Variants in UTRN observed in about 807,000 individuals in gnomAD.
The protein encoded by UTRN is utrophin.
In UTRN, 283 loss-of-function variants were observed where a neutral mutation model predicts 463.9. The ratio of observed to expected loss-of-function variants is 0.61; its 90% CI spans 0.55 to 0.67. The LOEUF (loss-of-function observed/expected upper bound fraction) is 0.67. UTRN is among the 30% of genes least tolerant of loss of function. UTRN has a pLI of 0.00. For synonymous variants in UTRN, 1,442 were observed against 1,431.5 expected, an observed-to-expected ratio of 1.01 and a Z score of -0.17; for missense variants, 3,922 against 4,084.3, an observed-to-expected ratio of 0.96 and a Z score of 1.08.
chr6:144,317,413 TA>T (rs1331913276), intron 2 of UTRN, among the ~76,000 whole-genome samples: 1 of 152,228 alleles, frequency 6.6e-6, no homozygotes, highest in Admixed American at 6.5e-5. Flanking sequence ...TATTTTAGTT[TA>T]TTTTTTTTGA....
At chr6:144,473,411 C>T (rs980642224) in intron 23 of UTRN, among the ~76,000 whole-genome samples, 1 of 152,096 alleles carries the variant, frequency 6.6e-6, no homozygotes, top group African/African-American at 2.4e-5. Flanking sequence ...GCTGATAAAA[C>T]CTAGAAATGC....
rs756698576 is a variant in UTRN at position 144,533,173 on chromosome 6, C to T, written c.6146C>T (p.Ala2049Val). The T allele has an allele frequency of 6.2e-7, 1 of 1,614,112 alleles. No individual in the cohort carries two copies. The highest frequency in any genetic ancestry group is 2.2e-5 in the East Asian group (1 of 44,874). ...GDGIVQKLSQ[A>V]DGSFLKEKLA... ...GGGATTGTGCAGAAACTCTCCCAGGCAGATGGAAGCTTCTTGAAAGAAAAA... is the reference window on the plus strand; with the variant it reads ...GGGATTGTGCAGAAACTCTCCCAGGTAGATGGAAGCTTCTTGAAAGAAAAA... The change falls in exon 43 of 75, where the codon GCA (alanine) becomes GTA (valine). Residue 2049 changes from alanine to valine, a missense_variant. Ala to Val is a moderately conservative substitution (Grantham distance 64, BLOSUM62 0). Transcript: ENST00000367545.
chr6:144,725,222 G>A (rs547935206), intron 53 of UTRN, among the ~76,000 whole-genome samples: 4 of 152,230 alleles, frequency 2.6e-5, no homozygotes, highest in Non-Finnish European at 4.4e-5. Flanking sequence ...AGCACATGCT[G>A]TCTTGCCTCC....
chr6:144,514,404 A>C lies in UTRN; in HGVS notation c.5074-246A>C, dbSNP rs186122300. On this transcript the variant is annotated intron_variant, in intron 36 of 74. Coordinates refer to ENST00000367545, the MANE Select transcript of UTRN (RefSeq NM_007124.3). Reference sequence around the variant, plus strand: ...AGTCTGTCTTACTTCTGTACTCTCCAATGAGTCTTACATACTTTTGTATTC... The same window carrying C: ...AGTCTGTCTTACTTCTGTACTCTCCCATGAGTCTTACATACTTTTGTATTC... Among the ~76,000 whole-genome samples the C allele has an allele frequency of 2.6e-5, 4 of 152,308 alleles. No homozygotes were observed. The East Asian group carries it at 7.7e-4, about 29-fold the overall frequency.
rs758921922 is a variant in UTRN at position 144,491,067 on chromosome 6, C to G, written c.4402C>G (p.Pro1468Ala). Residue 1468 changes from proline (P) to alanine (A), a missense_variant, in exon 32 of 75, where the codon CCT becomes GCT. By Grantham distance (27) the Pro-to-Ala change is conservative (BLOSUM62 -1). Around this residue, in one of 3 missense-constraint regions of UTRN, gnomAD observed 2,349 missense variants for 2,303.8 expected, o/e 1.02. Coordinates refer to ENST00000367545, the MANE Select transcript of UTRN (RefSeq NM_007124.3). Reference sequence around the variant, plus strand: ...CGTTCTGGATGTGAAGGACGTAGACCCTGACGTCATACAGACGCACCTGGA... The same window carrying G: ...CGTTCTGGATGTGAAGGACGTAGACGCTGACGTCATACAGACGCACCTGGA... The part of the protein sequence containing the change: ...LHVLDVKDVD[P>A]DVIQTHLDKC... The G allele has an allele frequency of 6.2e-7, 1 of 1,612,984 alleles. No homozygotes were observed. The highest frequency in any genetic ancestry group is 8.5e-7 in the Non-Finnish European group (1 of 1,179,690).
intron 50 of UTRN, among the ~76,000 whole-genome samples, chr6:144,560,496 C>T (rs959828582): frequency 1.3e-5 from 2 of 152,106 alleles, no homozygotes; most frequent in African/African-American, 4.8e-5. Flanking sequence ...GCCTTTTTAC[C>T]ATGGCTGCCC....
chr6:144,825,292 G>A (rs750059461), intron 66 of UTRN, among the ~76,000 whole-genome samples: 6 of 152,294 alleles, frequency 3.9e-5, no homozygotes, highest in South Asian at 4.1e-4. Flanking sequence ...GATAGGCTGC[G>A]TTCTGAAGCC....
rs150730184 is a variant in UTRN, at chr6:144,461,025, C to T, written c.2708-172C>T. ...CCGCAGGAATGAAGTCACTGTCTGA[C>T]TCTCAGAAATGCCAATGGAATGATC... On this transcript the variant is annotated intron_variant, in intron 21 of 74. Coordinates refer to ENST00000367545, the MANE Select transcript of UTRN (RefSeq NM_007124.3). Among the ~76,000 whole-genome samples the T allele has an allele frequency of 4.6e-5, 7 of 152,326 alleles. No individual in the cohort carries two copies. The East Asian group carries it at 1.4e-3, about 29-fold the overall frequency.
At chr6:144,626,735 G>T (rs1213310904) in intron 51 of UTRN, among the ~76,000 whole-genome samples, 4 of 152,150 alleles carry the variant, frequency 2.6e-5, no homozygotes, top group East Asian at 3.9e-4. Flanking sequence ...TGCCTCCCAG[G>T]TTCAAGCAAT....
chr6:144,351,722 A>G (rs1302098057), intron 2 of UTRN, among the ~76,000 whole-genome samples: 1 of 152,226 alleles, frequency 6.6e-6, no homozygotes, highest in Non-Finnish European at 1.5e-5. Context: ...TTCTCCAAAT[A>G]GAGGTGAACT....
intron 2 of UTRN, among the ~76,000 whole-genome samples, chr6:144,384,180 A>G (rs1781196853): frequency 6.6e-6 from 1 of 152,128 alleles, no homozygotes; most frequent in South Asian, 2.1e-4. Context: ...GAAAAACTGA[A>G]AATATATACC....
intron 35 of UTRN, among the ~76,000 whole-genome samples, chr6:144,513,472 C>A (rs1199315669): frequency 6.6e-6 from 1 of 152,080 alleles, no homozygotes; most frequent in Non-Finnish European, 1.5e-5. Flanking sequence ...ATCACTTGAA[C>A]CTGGGAGGTG....
chr6:144,724,073 TA>T (rs1319079063), intron 53 of UTRN, among the ~76,000 whole-genome samples: 1 of 151,228 alleles, frequency 6.6e-6, no homozygotes, highest in African/African-American at 2.4e-5. Context: ...TTGTTTTGTG[TA>T]AAAAACAGAA....
chr6:144,611,072 G>T (rs1805466709), intron 51 of UTRN, among the ~76,000 whole-genome samples: 1 of 152,158 alleles, frequency 6.6e-6, no homozygotes, highest in South Asian at 2.1e-4. Flanking sequence ...ATCAATAAAT[G>T]TGATACATCA....
At chr6:144,763,365 T>A (rs1792924834) in intron 58 of UTRN, among the ~76,000 whole-genome samples, 1 of 152,210 alleles carries the variant, frequency 6.6e-6, no homozygotes, top group Non-Finnish European at 1.5e-5. Flanking sequence ...CCATTATTGA[T>A]AATCCTGCAA....
At chr6:144,564,582 G>A (rs1800231448) in intron 50 of UTRN, among the ~76,000 whole-genome samples, 1 of 152,120 alleles carries the variant, frequency 6.6e-6, no homozygotes, top group African/African-American at 2.4e-5. Context: ...AGCATGGCAG[G>A]GGAGACCTCA....
At chr6:144,577,587 A>C (rs557597342) in intron 51 of UTRN, among the ~76,000 whole-genome samples, 13 of 152,240 alleles carry the variant, frequency 8.5e-5, no homozygotes, top group African/African-American at 3.1e-4. Flanking sequence ...GCTTTATTGA[A>C]TCCTAAATTA....
chr6:144,292,149 G>A (rs1443393550), intron 2 of UTRN, among the ~76,000 whole-genome samples: 1 of 152,122 alleles, frequency 6.6e-6, no homozygotes, highest in Non-Finnish European at 1.5e-5. Flanking sequence ...TGTAGCTAAA[G>A]GTTGTTCATT....
chr6:144,628,455 A>G (rs947809932), intron 51 of UTRN, among the ~76,000 whole-genome samples: 2 of 152,124 alleles, frequency 1.3e-5, no homozygotes, highest in Non-Finnish European at 2.9e-5. Context: ...TCCACCAGAA[A>G]CCATTGGTTT....
Sources: gnomAD v4.1 joint callset for allele counts (sites outside exome capture counted in the v4.1 genomes callset) on GRCh38, gnomAD v4.1.1 for gene constraint, gnomAD v4.1.1 regional missense constraint, MANE v1.5 for transcripts, NCBI Gene and HGNC (gene_info 2026-07-23, HGNC 2026-07-21) for gene names.